The following ADAMTS6 variants were observed in gnomAD, a reference collection of about 807,000 sequenced individuals.
The protein encoded by ADAMTS6 is ADAM metallopeptidase with thrombospondin type 1 motif 6.
Under a neutral mutation model 144.3 loss-of-function variants are expected in ADAMTS6, and 23 were observed. That is an observed-to-expected ratio of 0.16 (90% CI 0.11 to 0.23). The LOEUF is 0.23. Among genes scored for constraint, ADAMTS6 ranks in the 10% least tolerant of loss-of-function variants. The probability of loss-of-function intolerance (pLI) is 1.00; values close to 1 mark genes in which losing one functional copy is unlikely to be tolerated. For synonymous variants in ADAMTS6, 444 were observed against 457.5 expected, an observed-to-expected ratio of 0.97 and a Z score of 0.38; for missense variants, 999 against 1,379.6, an observed-to-expected ratio of 0.72 and a Z score of 4.37.
chr5:65,280,396 C>A (rs963350625), intron 11 of ADAMTS6, among the ~76,000 whole-genome samples: 4 of 152,156 alleles, frequency 2.6e-5, no homozygotes, highest in African/African-American at 9.7e-5. Flanking sequence ...TCATCATCTG[C>A]CCTCATGGCT....
intron 24 of ADAMTS6, among the ~76,000 whole-genome samples, chr5:65,167,401 A>C (rs535306308): frequency 4.8e-4 from 73 of 152,270 alleles, no homozygotes; most frequent in African/African-American, 1.7e-3. Context: ...ATAGTTTACC[A>C]ACCAAAAAGA....
chr5:65,344,231 C>T (rs1294940831), intron 7 of ADAMTS6, among the ~76,000 whole-genome samples: 1 of 151,888 alleles, frequency 6.6e-6, no homozygotes, highest in Non-Finnish European at 1.5e-5. Flanking sequence ...ATCAATAACC[C>T]CAATTCAACA....
At chr5:65,269,990 C>T (rs1761933987) in intron 12 of ADAMTS6, among the ~76,000 whole-genome samples, 1 of 152,018 alleles carries the variant, frequency 6.6e-6, no homozygotes, top group Non-Finnish European at 1.5e-5. Flanking sequence ...GACAGGGTTT[C>T]ACCATGTTGG....
chr5:65,261,734 A>C (rs977098359), intron 13 of ADAMTS6, among the ~76,000 whole-genome samples: 9 of 152,124 alleles, frequency 5.9e-5, no homozygotes, highest in African/African-American at 2.2e-4. Context: ...CTGGTTTATG[A>C]ATGGGTAACA....
At chr5:65,286,225 G>A (rs2287904) in intron 11 of ADAMTS6, among the ~76,000 whole-genome samples, 87,780 of 151,974 alleles carry the variant, frequency 0.58, 26,368 homozygotes, top group African/African-American at 0.76. Context: ...GCTGCTGTTC[G>A]CTGAAAAAAG....
chr5:65,187,288 C>A (rs1328786068), intron 22 of ADAMTS6, among the ~76,000 whole-genome samples: 1 of 152,104 alleles, frequency 6.6e-6, no homozygotes, highest in Non-Finnish European at 1.5e-5. Flanking sequence ...TACCTCTTAC[C>A]TAATTTTTCA....
intron 1 of ADAMTS6, among the ~76,000 whole-genome samples, chr5:65,477,701 T>G (rs565562859): frequency 2.3e-4 from 35 of 152,154 alleles, no homozygotes; most frequent in African/African-American, 8.4e-4. Context: ...GTTCCAACAC[T>G]AGTTATAATA....
intron 8 of ADAMTS6, among the ~76,000 whole-genome samples, chr5:65,332,115 T>C (rs951752138): frequency 2.0e-5 from 3 of 151,014 alleles, no homozygotes; most frequent in Admixed American, 1.3e-4. Flanking sequence ...AAATACTTTA[T>C]TTCTCAAAAT....
chr5:65,406,569 T>C (rs1754519505), intron 7 of ADAMTS6, among the ~76,000 whole-genome samples: 1 of 152,184 alleles, frequency 6.6e-6, no homozygotes, highest in African/African-American at 2.4e-5. Context: ...TTGAGGATTT[T>C]TGCATTGATG....
chr5:65,346,749 G>GAAAACTCTAA (rs1354631829), intron 7 of ADAMTS6, among the ~76,000 whole-genome samples: 9 of 151,688 alleles, frequency 5.9e-5, no homozygotes, highest in Admixed American at 5.9e-4. Flanking sequence ...CTAACATATA[G>GAAAACTCTAA]AAAACTCTAA....
chr5:65,306,895 C>T (rs2095055419), intron 9 of ADAMTS6, among the ~76,000 whole-genome samples: 1 of 152,008 alleles, frequency 6.6e-6, no homozygotes, highest in Non-Finnish European at 1.5e-5. Context: ...ATTTGTAGTT[C>T]TTTATATATT....
intron 20 of ADAMTS6, chr5:65,210,611 A>G: frequency 1.6e-6 from 1 of 616,712 alleles, no homozygotes; most frequent in Non-Finnish European, 2.9e-6. Flanking sequence ...GGCACCCCAA[A>G]GGAAGCTATG....
At chr5:65,397,151 C>G (rs1401083586) in intron 7 of ADAMTS6, among the ~76,000 whole-genome samples, 1 of 152,168 alleles carries the variant, frequency 6.6e-6, no homozygotes, top group Non-Finnish European at 1.5e-5. Flanking sequence ...TCCATTATAA[C>G]ATTTTTAATG....
At chr5:65,463,149 G>C (rs1399126059) in intron 3 of ADAMTS6, among the ~76,000 whole-genome samples, 5 of 151,852 alleles carry the variant, frequency 3.3e-5, no homozygotes, top group Non-Finnish European at 7.4e-5. Flanking sequence ...ATTAAGAGGG[G>C]AGATAAAAGC....
At chr5:65,192,653 C>CT (rs35427862) in intron 21 of ADAMTS6, among the ~76,000 whole-genome samples, 26,609 of 146,156 alleles carry the variant, frequency 0.18, 2,483 homozygotes, top group Middle Eastern at 0.22. Context: ...AATTCCTTTC[C>CT]TTTTTTTTTT....
chr5:65,397,104 G>A (rs1753406559), intron 7 of ADAMTS6, among the ~76,000 whole-genome samples: 1 of 152,132 alleles, frequency 6.6e-6, no homozygotes, highest in South Asian at 2.1e-4. Context: ...TTTCTTCTCT[G>A]TTATCAAATG....
chr5:65,326,316 C>T (rs1746170312), intron 9 of ADAMTS6, among the ~76,000 whole-genome samples: 1 of 152,082 alleles, frequency 6.6e-6, no homozygotes, highest in African/African-American at 2.4e-5. Flanking sequence ...CATTAAGTGC[C>T]TTTGGCTTAT....
At chr5:65,448,051 C>T (rs1054975416) in intron 7 of ADAMTS6, among the ~76,000 whole-genome samples, 2 of 150,042 alleles carry the variant, frequency 1.3e-5, no homozygotes, top group Non-Finnish European at 3.0e-5. Flanking sequence ...AACAGTTATT[C>T]ATTATATTAT....
chr5:65,260,271 G>A (rs1289687402), intron 14 of ADAMTS6, among the ~76,000 whole-genome samples: 1 of 148,810 alleles, frequency 6.7e-6, no homozygotes, highest in Non-Finnish European at 1.5e-5. Context: ...ATGGAATAAA[G>A]GGCATAATAA....
Sources: allele counts gnomAD v4.1 joint callset (sites outside exome capture counted in the v4.1 genomes callset), GRCh38; gene constraint gnomAD v4.1.1; transcripts MANE v1.5; gene names NCBI Gene and HGNC (gene_info 2026-07-23, HGNC 2026-07-21).